The following SULT1B1 variants were observed in gnomAD, a reference collection of about 807,000 sequenced individuals.
SULT1B1 encodes the protein sulfotransferase 1B1.
Under a neutral mutation model 34.6 loss-of-function variants are expected in SULT1B1, and 28 were observed. That is an observed-to-expected ratio of 0.81 (90% confidence interval 0.60 to 1.11). The LOEUF is 1.11. SULT1B1 is among the 50% of genes least tolerant of loss of function. SULT1B1 has a pLI of 0.00. For synonymous variants in SULT1B1, 147 were observed against 110.2 expected (o/e 1.33, Z -2.09); for missense variants, 374 against 352.2 (o/e 1.06, Z -0.50).
At chr4:69,739,635 G>A (rs1718462248) in intron 4 of SULT1B1, among the ~76,000 whole-genome samples, 1 of 152,150 alleles carries the variant, frequency 6.6e-6, no homozygotes, top group South Asian at 2.1e-4. Context: ...GACATGCCTT[G>A]GAGACCTTTA....
intron 3 of SULT1B1, among the ~76,000 whole-genome samples, chr4:69,751,314 C>T (rs1049783928): frequency 6.6e-6 from 1 of 152,218 alleles, no homozygotes; most frequent in African/African-American, 2.4e-5. Flanking sequence ...CATTCAGCTT[C>T]CCTGAAAGAT....
At chr4:69,749,923 T>C in intron 3 of SULT1B1, 105 bp from the exon 4 acceptor site, 1 of 752,018 alleles carries the variant, frequency 1.3e-6, no homozygotes, top group South Asian at 1.5e-5. Flanking sequence ...CATTATGTAA[T>C]GCAGATAAAT....
At chr4:69,754,995 G>A (rs1719133024) in intron 2 of SULT1B1, 75 bp downstream of exon 2, 2 of 1,364,082 alleles carry the variant, frequency 1.5e-6, no homozygotes, top group South Asian at 1.3e-5. Flanking sequence ...GAATGGTAAT[G>A]ATTTTATGGA....
At chr4:69,735,113 C>G (rs973096488) in intron 4 of SULT1B1, among the ~76,000 whole-genome samples, 1 of 152,088 alleles carries the variant, frequency 6.6e-6, no homozygotes, top group Non-Finnish European at 1.5e-5. Flanking sequence ...CCATCGTGCC[C>G]GGCCTTTTGT....
chr4:69,754,843 C>T (rs541778308), intron 2 of SULT1B1, 45 bp from the exon 3 acceptor site: 18 of 1,586,398 alleles, frequency 1.1e-5, no homozygotes, highest in Admixed American at 3.6e-5. Context: ...CCAAATTGCA[C>T]GGGAGAGGGA....
intron 7 of SULT1B1, among the ~76,000 whole-genome samples, chr4:69,729,470 C>T (rs1030152808): frequency 1.3e-5 from 2 of 152,162 alleles, no homozygotes; most frequent in Non-Finnish European, 2.9e-5. Flanking sequence ...GATATATACA[C>T]ATCAGTCTTC....
Position 69,727,134 on chromosome 4 carries a change from T to G in SULT1B1, c.845A>C (p.Glu282Ala), listed in dbSNP as rs374183233. Residue 282 changes from glutamate to alanine, a missense_variant, in exon 8 of 8, where the codon GAG becomes GCG. Transcript: ENST00000310613. ...AQNEKFDAIY[E>A]TEMSKTALQF... ...AAGTGCAGTTTTGGACATTTCTGTC[T>G]CATAAATAGCATCAAATTTCTCATT... 2 of 1,611,704 alleles carry G rather than the reference T, an allele frequency of 1.2e-6. No individual in the cohort carries two copies. Among genetic ancestry groups the G allele is most frequent in the African/African-American group, 1.3e-5 (1 of 74,758 alleles).
chr4:69,744,022 T>G (rs1165864446), intron 4 of SULT1B1, among the ~76,000 whole-genome samples: 2 of 152,044 alleles, frequency 1.3e-5, no homozygotes, highest in Non-Finnish European at 2.9e-5. Flanking sequence ...TTACTTGCGC[T>G]GCTGTAACTG....
At chr4:69,749,982 G>T (rs553654100) in intron 3 of SULT1B1, among the ~76,000 whole-genome samples, 164 bp from the exon 4 acceptor site, 11 of 152,226 alleles carry the variant, frequency 7.2e-5, no homozygotes, top group African/African-American at 2.2e-4. Context: ...TCAGTATTGT[G>T]TAACATTCAA....
Position 69,724,933 on chromosome 4 carries a change from G to A in SULT1B1, c.*2155C>T, listed in dbSNP as rs1242346093. 1 of 152,048 alleles carries A rather than the reference G, an allele frequency of 6.6e-6. No homozygotes were observed. The highest frequency in any genetic ancestry group is 1.5e-5 in the Non-Finnish European group (1 of 68,022). The allele number at this position is 152,048 out of a possible 1,614,324, so 9.4% of individuals were successfully genotyped here. A position where few individuals can be genotyped will look rare whatever the true frequency, so the allele number is the denominator to read the frequency against. ...CATAAAAACCCTAGAAGAAAACCTA[G>A]GCAATATCATTCAGGACATAGGCAT... On this transcript the variant is annotated 3_prime_UTR_variant, in exon 8 of 8. Transcript: ENST00000310613.
intron 1 of SULT1B1, among the ~76,000 whole-genome samples, chr4:69,757,088 AT>A (rs1404293668): frequency 6.6e-6 from 1 of 151,884 alleles, no homozygotes; most frequent in African/African-American, 2.4e-5. Flanking sequence ...CTTATTATTT[AT>A]TTTTTCCACT....
chr4:69,733,396 C>G lies in SULT1B1; in HGVS notation c.597+17G>C. ...TGCAGTGGGGAAATTATCCAGAATCCATATCTACCATTTTACCTCTTTCAT... is the reference window on the plus strand; with the variant it reads ...TGCAGTGGGGAAATTATCCAGAATCGATATCTACCATTTTACCTCTTTCAT... On this transcript the variant is annotated intron_variant, in intron 6 of 7. Coordinates refer to ENST00000310613, the MANE Select transcript of SULT1B1 (RefSeq NM_014465.4). 6.5e-7 allele frequency: 1 copy of G among 1,543,134 alleles called. No homozygotes were observed. Among genetic ancestry groups the G allele is most frequent in the Non-Finnish European group, 8.8e-7 (1 of 1,131,436 alleles).
At chr4:69,760,257 G>A in intron 1 of SULT1B1, 1 of 980,736 alleles carries the variant, frequency 1.0e-6, no homozygotes. Flanking sequence ...TCCACTAAAT[G>A]TAGAAAAATA....
At chr4:69,728,327 A>G (rs893700160) in intron 7 of SULT1B1, among the ~76,000 whole-genome samples, 1 of 152,086 alleles carries the variant, frequency 6.6e-6, no homozygotes, top group Non-Finnish European at 1.5e-5. Context: ...TCTATTTGTT[A>G]TAATTTAGGA....
In SULT1B1 at chr4:69,754,813, A is replaced by T. The variant is rs755689684; in HGVS notation, c.149-15T>A. On this transcript the variant is annotated splice_polypyrimidine_tract_variant and intron_variant, in intron 2 of 7. Coordinates refer to ENST00000310613, the MANE Select transcript of SULT1B1 (RefSeq NM_014465.4). ...CCAAGTAGTACCTGTGACAAAAGGCAACATTTTCAAAATAATTACCCAAAT... is the reference window on the plus strand; with the variant it reads ...CCAAGTAGTACCTGTGACAAAAGGCTACATTTTCAAAATAATTACCCAAAT... 1 of 1,607,018 alleles carries T rather than the reference A, an allele frequency of 6.2e-7. No homozygotes were observed. Among genetic ancestry groups the T allele is most frequent in the Non-Finnish European group, 8.5e-7 (1 of 1,176,626 alleles).
chr4:69,747,674 G>C (rs926430231), intron 4 of SULT1B1, among the ~76,000 whole-genome samples: 2 of 152,170 alleles, frequency 1.3e-5, no homozygotes, highest in Non-Finnish European at 2.9e-5. Context: ...GTAGAGTACT[G>C]TCTCTGCCAA....
intron 5 of SULT1B1, 71 bp downstream of exon 5, chr4:69,734,067 C>T (rs1718193350): frequency 2.4e-6 from 3 of 1,235,604 alleles, no homozygotes; most frequent in Non-Finnish European, 3.2e-6. Flanking sequence ...TTTTGAAAGT[C>T]ATAAAAGTTA....
Position 69,728,343 on chromosome 4 carries a change from G to A in SULT1B1, c.779-1143C>T, listed in dbSNP as rs1020897821. Among the ~76,000 whole-genome samples, 8 of 151,942 alleles carry A rather than the reference G, an allele frequency of 5.3e-5. No individual in the cohort carries two copies. In the East Asian group the frequency reaches 7.7e-4, roughly 15 times the overall value. On this transcript the variant is annotated intron_variant, in intron 7 of 7. Transcript: ENST00000310613. ...CTATTTGTTATAATTTAGGACATAC[G>A]ACCAAACATTGGACATAATCTATCC... is the stretch of plus-strand genomic sequence containing the variant.
At position 69,722,605 on chromosome 4, in the gene SULT1B1, T is replaced by C. The variant is rs1717690583; in HGVS notation, c.*4483A>G. The C allele has an allele frequency of 6.6e-6, 1 of 152,152 alleles. No individual in the cohort carries two copies. The highest frequency in any genetic ancestry group is 2.4e-5 in the African/African-American group (1 of 41,448). The allele number at this position is 152,152 out of a possible 1,614,324, so 9.4% of individuals were successfully genotyped here. On this transcript the variant is annotated 3_prime_UTR_variant, in exon 8 of 8. Coordinates refer to ENST00000310613, the MANE Select transcript of SULT1B1 (RefSeq NM_014465.4). ...ACTCTAAAATACTTTATAAAACATA[T>C]TGTAATAAATCTATAGAAGCAAGTA... is the stretch of plus-strand genomic sequence containing the variant.
Sources: allele counts gnomAD v4.1 joint callset (sites outside exome capture counted in the v4.1 genomes callset), GRCh38; gene constraint gnomAD v4.1.1; transcripts MANE v1.5; gene names NCBI Gene and HGNC (gene_info 2026-07-23, HGNC 2026-07-21).